MICU3: variants seen among roughly 807,000 people sequenced by gnomAD.
The protein encoded by MICU3 is calcium uptake protein 3, mitochondrial.
In MICU3, 62 loss-of-function variants were observed where a neutral mutation model predicts 66.5. The ratio of observed to expected loss-of-function variants is 0.93; its 90% CI spans 0.76 to 1.15. The LOEUF (loss-of-function observed/expected upper bound fraction) is 1.15, where lower values mean the gene tolerates loss of function less well. Among genes scored for constraint, MICU3 ranks in the 50% most tolerant of loss-of-function variants. MICU3 has a pLI of 0.00. For missense variants in MICU3, 779 were observed against 664.4 expected, an observed-to-expected ratio of 1.17 and a Z score of -1.90; for synonymous variants, 308 against 240.7, an observed-to-expected ratio of 1.28 and a Z score of -2.59.
intron 3 of MICU3, among the ~76,000 whole-genome samples, chr8:17,070,681 G>A (rs183932674): frequency 8.0e-4 from 121 of 150,320 alleles, no homozygotes; most frequent in East Asian, 7.0e-3. Flanking sequence ...TCTAGGGAAC[G>A]TCCTTAACTA....
At chr8:17,105,283 T>A in intron 10 of MICU3, 130 bp from the exon 11 acceptor site, 1 of 571,622 alleles carries the variant, frequency 1.7e-6, no homozygotes. Context: ...AGGGAGGAAC[T>A]TTATTAATCT....
the MICU3 span, among the ~76,000 whole-genome samples, chr8:17,138,538 C>G: frequency 1.3e-5 from 2 of 152,038 alleles, no homozygotes; most frequent in Non-Finnish European, 2.9e-5. Context: ...TTTAATTTAC[C>G]CAATGCTGGA....
intron 14 of MICU3, among the ~76,000 whole-genome samples, chr8:17,119,976 C>A (rs1014316587): frequency 6.6e-6 from 1 of 152,074 alleles, no homozygotes; most frequent in South Asian, 2.1e-4. Flanking sequence ...AAAAGGAGGA[C>A]CATTGTCTGG....
At chr8:17,048,072 C>T (rs1344580644) in intron 1 of MICU3, among the ~76,000 whole-genome samples, 2 of 152,086 alleles carry the variant, frequency 1.3e-5, no homozygotes, top group Non-Finnish European at 2.9e-5. Context: ...CATAATTATC[C>T]AGGTGGATTA....
chr8:17,028,246 T>C (rs1202965937), intron 1 of MICU3, among the ~76,000 whole-genome samples: 1 of 152,234 alleles, frequency 6.6e-6, no homozygotes, highest in African/African-American at 2.4e-5. Flanking sequence ...AGTATTTCTC[T>C]CTTTTTCCTT....
At chr8:17,048,399 A>C (rs1299311443) in intron 1 of MICU3, among the ~76,000 whole-genome samples, 3 of 152,196 alleles carry the variant, frequency 2.0e-5, no homozygotes, top group African/African-American at 7.2e-5. Context: ...TCTTACATGG[A>C]GGCAGGAAAG....
At chr8:17,092,438 T>TTATA (rs1800172376) in intron 8 of MICU3, among the ~76,000 whole-genome samples, 1 of 152,026 alleles carries the variant, frequency 6.6e-6, no homozygotes, top group Admixed American at 6.6e-5. Context: ...CAAATTTTAT[T>TTATA]TATATTATGC....
intron 1 of MICU3, among the ~76,000 whole-genome samples, chr8:17,031,602 T>A (rs966974031): frequency 1.3e-5 from 2 of 152,054 alleles, no homozygotes; most frequent in African/African-American, 4.8e-5. Context: ...TTATTTTTGA[T>A]TTTTCTGAAG....
intron 2 of MICU3, 77 bp from the exon 3 acceptor site, chr8:17,069,611 T>TAA (rs1249467749): frequency 2.2e-6 from 2 of 905,624 alleles, no homozygotes. Flanking sequence ...GAGTTATGGT[T>TAA]GTAGATGGTT....
At chr8:17,041,682 A>C (rs991119124) in intron 1 of MICU3, among the ~76,000 whole-genome samples, 1 of 152,250 alleles carries the variant, frequency 6.6e-6, no homozygotes, top group South Asian at 2.1e-4. Flanking sequence ...AGAATAATTG[A>C]TGTGATAAGG....
At chr8:17,102,214 GCT>G (rs1388845156) in intron 9 of MICU3, among the ~76,000 whole-genome samples, 3 of 151,574 alleles carry the variant, frequency 2.0e-5, no homozygotes, top group Non-Finnish European at 4.4e-5. Flanking sequence ...CATTCCTCTA[GCT>G]TCCAGACAGA....
At chr8:17,123,912 T>C (rs1181239687), downstream of MICU3, among the ~76,000 whole-genome samples, 1 of 149,340 alleles carries the variant, frequency 6.7e-6, no homozygotes, top group Non-Finnish European at 1.5e-5. Context: ...ATTAAAGTTA[T>C]ATGCATATAT....
chr8:17,117,258 A>C (rs1183411806), intron 13 of MICU3, among the ~76,000 whole-genome samples: 1 of 152,102 alleles, frequency 6.6e-6, no homozygotes, highest in Non-Finnish European at 1.5e-5. Context: ...GATTACAGGA[A>C]TGAACCACCA....
chr8:17,092,548 T>G (rs1800185483), intron 8 of MICU3, among the ~76,000 whole-genome samples: 1 of 152,042 alleles, frequency 6.6e-6, no homozygotes. Context: ...ATGCACACAT[T>G]AAAGTGATGT....
intron 8 of MICU3, among the ~76,000 whole-genome samples, chr8:17,096,154 G>T (rs1021776765): frequency 6.6e-6 from 1 of 151,788 alleles, no homozygotes; most frequent in Non-Finnish European, 1.5e-5. Flanking sequence ...TTTGCGTATT[G>T]GTCTACTATT....
At chr8:17,137,940 C>A in the MICU3 span, among the ~76,000 whole-genome samples, 1 of 151,862 alleles carries the variant, frequency 6.6e-6, no homozygotes, top group Non-Finnish European at 1.5e-5. Flanking sequence ...TGGTCTTGAT[C>A]TCTTGACTTT....
At position 17,120,325 on chromosome 8, in the gene MICU3, G is replaced by A. The variant is rs1803106591; in HGVS notation, c.*38G>A. 6.6e-6 allele frequency: 1 copy of A among 151,952 alleles called. No individual in the cohort carries two copies. The highest frequency in any genetic ancestry group is 2.4e-5 in the African/African-American group (1 of 41,354). The allele number at this position is 151,952 out of a possible 1,614,324, so 9.4% of individuals were successfully genotyped here. A position where few individuals can be genotyped will look rare whatever the true frequency, so the allele number is the denominator to read the frequency against. ...CAAAGTTTAAAGGATTACTATCTGT[G>A]TGACAAATAACAAGAAGCAACATTT... is the stretch of plus-strand genomic sequence containing the variant. On this transcript the variant is annotated 3_prime_UTR_variant, in exon 15 of 15. Transcript: ENST00000318063.
chr8:17,105,359 G>A (rs989662018), intron 10 of MICU3, 54 bp from the exon 11 acceptor site: 2 of 1,107,198 alleles, frequency 1.8e-6, no homozygotes, highest in Non-Finnish European at 2.6e-6. Flanking sequence ...CTCATCTCCT[G>A]TTACGATTAC....
At chr8:17,027,873 T>G (rs1173677471) in intron 1 of MICU3, among the ~76,000 whole-genome samples, 1 of 152,152 alleles carries the variant, frequency 6.6e-6, no homozygotes, top group Non-Finnish European at 1.5e-5. Context: ...CATCAGGACC[T>G]TAAAGGTGGC....
Sources: gnomAD v4.1 joint callset for allele counts (sites outside exome capture counted in the v4.1 genomes callset) on GRCh38, gnomAD v4.1.1 for gene constraint, MANE v1.5 for transcripts, NCBI Gene and HGNC (gene_info 2026-07-23, HGNC 2026-07-21) for gene names.